PRKN: variants seen among roughly 807,000 people sequenced by gnomAD.
PRKN encodes the protein E3 ubiquitin-protein ligase parkin.
In PRKN, 56 loss-of-function variants were observed where a neutral mutation model predicts 59.5. That is an observed-to-expected ratio of 0.94 (90% confidence interval 0.76 to 1.18). The LOEUF (loss-of-function observed/expected upper bound fraction) is 1.18. Among genes scored for constraint, PRKN ranks in the 50% most tolerant of loss-of-function variants. The pLI is 0.00. For missense variants in PRKN, 657 were observed against 596.4 expected (o/e 1.10, Z -1.06); for synonymous variants, 250 against 222.1 (o/e 1.13, Z -1.12).
chr6:162,473,683 T>C (rs1275277278), intron 1 of PRKN, among the ~76,000 whole-genome samples: 1 of 152,160 alleles, frequency 6.6e-6, no homozygotes, highest in South Asian at 2.1e-4. Context: ...GTTTTTGAAA[T>C]TGGGTGTATG....
chr6:162,522,137 T>G (rs1180122735), intron 1 of PRKN, among the ~76,000 whole-genome samples: 2 of 152,242 alleles, frequency 1.3e-5, no homozygotes, highest in African/African-American at 4.8e-5. Context: ...TTATTTTGTT[T>G]TTTTGAGACA....
intron 9 of PRKN, among the ~76,000 whole-genome samples, chr6:161,479,798 A>AC (rs1299751659): frequency 2.0e-5 from 3 of 151,980 alleles, no homozygotes; most frequent in Admixed American, 6.6e-5. Context: ...TCACTGGGGC[A>AC]CCCCCTCCCT....
intron 3 of PRKN, among the ~76,000 whole-genome samples, chr6:162,239,709 C>T (rs896933977): frequency 6.6e-6 from 1 of 152,084 alleles, no homozygotes; most frequent in Non-Finnish European, 1.5e-5. Context: ...CATTCCCAGG[C>T]ATTACAGTGC....
intron 1 of PRKN, among the ~76,000 whole-genome samples, chr6:162,551,099 G>T (rs550665983): frequency 6.6e-6 from 1 of 151,992 alleles, no homozygotes; most frequent in Non-Finnish European, 1.5e-5. Context: ...ATAGGCCTTC[G>T]TGAATATTCC....
chr6:161,822,272 G>A (rs578167866), intron 6 of PRKN, among the ~76,000 whole-genome samples: 1 of 152,156 alleles, frequency 6.6e-6, no homozygotes, highest in Non-Finnish European at 1.5e-5. Context: ...AAAAGGGTTT[G>A]TTATAAGACT....
At chr6:162,663,492 C>T (rs888921437) in intron 1 of PRKN, among the ~76,000 whole-genome samples, 2 of 151,958 alleles carry the variant, frequency 1.3e-5, no homozygotes, top group Non-Finnish European at 2.9e-5. Context: ...CTTGAAACTG[C>T]TGCATGTCCA....
chr6:162,002,127 C>A (rs1171536543), intron 5 of PRKN, among the ~76,000 whole-genome samples: 1 of 151,898 alleles, frequency 6.6e-6, no homozygotes, highest in Non-Finnish European at 1.5e-5. Context: ...TCTTTTCTTG[C>A]AATATCTTTC....
At chr6:162,183,600 C>T (rs1290354392) in intron 4 of PRKN, among the ~76,000 whole-genome samples, 1 of 152,140 alleles carries the variant, frequency 6.6e-6, no homozygotes, top group Non-Finnish European at 1.5e-5. Context: ...CCAAAGTATA[C>T]ATCTTGGAAG....
chr6:162,487,938 T>TA (rs1265140012), intron 1 of PRKN, among the ~76,000 whole-genome samples: 1 of 151,084 alleles, frequency 6.6e-6, no homozygotes, highest in Non-Finnish European at 1.5e-5. Context: ...AAAATTAAAT[T>TA]AAAATAATGG....
chr6:161,441,646 T>TAAAAAAAAAA (rs549048343), intron 9 of PRKN, among the ~76,000 whole-genome samples: 2 of 97,538 alleles, frequency 2.1e-5, no homozygotes, highest in Admixed American at 1.2e-4. Context: ...CTCTGTCTCT[T>TAAAAAAAAAA]AAAAAAAAAA....
intron 4 of PRKN, among the ~76,000 whole-genome samples, chr6:162,132,263 C>T (rs939402558): frequency 6.6e-6 from 1 of 152,048 alleles, no homozygotes; most frequent in Non-Finnish European, 1.5e-5. Context: ...TGGGTCATGA[C>T]GGCTGGGCTC....
intron 9 of PRKN, among the ~76,000 whole-genome samples, chr6:161,398,673 C>T (rs894178754): frequency 1.3e-5 from 2 of 152,184 alleles, no homozygotes; most frequent in African/African-American, 4.8e-5. Flanking sequence ...ATGCTCCCTC[C>T]ATTCCACAAG....
chr6:161,687,885 T>C (rs973792648), intron 7 of PRKN, among the ~76,000 whole-genome samples: 3 of 152,342 alleles, frequency 2.0e-5, no homozygotes, highest in Non-Finnish European at 4.4e-5. Flanking sequence ...CTTACTTAAT[T>C]TGAAGAATGT....
At chr6:162,242,494 C>T (rs970078443) in intron 3 of PRKN, among the ~76,000 whole-genome samples, 2 of 152,074 alleles carry the variant, frequency 1.3e-5, no homozygotes, top group African/African-American at 2.4e-5. Flanking sequence ...GTAAAATGTA[C>T]CTAAGTACAT....
intron 6 of PRKN, among the ~76,000 whole-genome samples, chr6:161,963,116 C>G (rs1780446201): frequency 6.6e-6 from 1 of 152,110 alleles, no homozygotes; most frequent in African/African-American, 2.4e-5. Flanking sequence ...GCACCCCAGC[C>G]TGGGTGACAA....
intron 2 of PRKN, among the ~76,000 whole-genome samples, chr6:162,269,251 A>C (rs545185379): frequency 4.6e-5 from 7 of 152,280 alleles, no homozygotes; most frequent in Admixed American, 1.3e-4. Flanking sequence ...TACCGTCTTT[A>C]AGAAAAAATA....
At chr6:161,691,030 C>CTT (rs1306973975) in intron 7 of PRKN, among the ~76,000 whole-genome samples, 9 of 148,016 alleles carry the variant, frequency 6.1e-5, no homozygotes, top group Non-Finnish European at 9.0e-5. Flanking sequence ...TCCATCCGTC[C>CTT]TCCTTTCCTT....
At position 162,150,276 on chromosome 6, in the gene PRKN, T is replaced by G. The variant is rs79267362; in HGVS notation, c.534+50855A>C. 2.7e-3 allele frequency among the ~76,000 whole-genome samples: 413 copies of G among 152,308 alleles called. 6 individuals carry two copies. The East Asian group carries it at 0.036, about 13-fold the overall frequency. ...TGTGGGCTAATCTGTAATGGACATATGTATCCTAAGAAGACAGTGGCAAAA... is the reference window on the plus strand; with the variant it reads ...TGTGGGCTAATCTGTAATGGACATAGGTATCCTAAGAAGACAGTGGCAAAA... On this transcript the variant is annotated intron_variant, in intron 4 of 11. Transcript: ENST00000366898.
At chr6:162,493,482 T>C (rs1792913958) in intron 1 of PRKN, among the ~76,000 whole-genome samples, 2 of 152,168 alleles carry the variant, frequency 1.3e-5, no homozygotes, top group African/African-American at 4.8e-5. Context: ...ATCAGGTGAC[T>C]ATAAGGTACT....
Sources: gnomAD v4.1 joint callset for allele counts (sites outside exome capture counted in the v4.1 genomes callset) on GRCh38, gnomAD v4.1.1 for gene constraint, MANE v1.5 for transcripts, NCBI Gene and HGNC (gene_info 2026-07-23, HGNC 2026-07-21) for gene names.